USP13: variants seen among roughly 807,000 people sequenced by gnomAD.
The protein encoded by USP13 is ubiquitin carboxyl-terminal hydrolase 13.
In USP13, 68 loss-of-function variants were observed where a neutral mutation model predicts 107.8. The observed-to-expected ratio is 0.63, with a 90% confidence interval of 0.52 to 0.77. USP13 has a LOEUF of 0.77. Among genes scored for constraint, USP13 ranks in the 30% least tolerant of loss-of-function variants. USP13 has a pLI of 0.00. For missense variants in USP13, 945 were observed against 1,093.3 expected (o/e 0.86, Z 1.91); for synonymous variants, 377 against 389.5 (o/e 0.97, Z 0.38).
chr3:179,696,328 A>ATTTTTT (rs4041265), intron 3 of USP13, among the ~76,000 whole-genome samples: 6 of 117,702 alleles, frequency 5.1e-5, no homozygotes, highest in East Asian at 2.4e-4. Context: ...GCCATTAGGC[A>ATTTTTT]TTTTTTTTTT....
In USP13 at chr3:179,689,070, C is replaced by A. The variant is rs182782481; in HGVS notation, c.295-1171C>A. Among the ~76,000 whole-genome samples, 77 of 152,272 alleles carry A rather than the reference C, an allele frequency of 5.1e-4. 1 individual carries two copies. Among genetic ancestry groups the A allele is most frequent in the Admixed American group, 4.6e-4 (7 of 15,302 alleles). On this transcript the variant is annotated intron_variant, in intron 2 of 20. Transcript: ENST00000263966. ...AGTCAACTATTAAAATGTGAGAAAG[C>A]AGACTTAGGACTCATGAGAGGACAA...
At chr3:179,690,794 G>A (rs1712088952) in intron 3 of USP13, among the ~76,000 whole-genome samples, 1 of 152,114 alleles carries the variant, frequency 6.6e-6, no homozygotes, top group African/African-American at 2.4e-5. Context: ...GGCTGGTCTG[G>A]AACTCCTGAG....
At chr3:179,679,671 C>G (rs1711579579) in intron 1 of USP13, among the ~76,000 whole-genome samples, 1 of 151,898 alleles carries the variant, frequency 6.6e-6, no homozygotes, top group Admixed American at 6.6e-5. Flanking sequence ...TTCATTGTAG[C>G]AGTATGTCTT....
At chr3:179,713,659 G>A (rs62290380) in intron 6 of USP13, among the ~76,000 whole-genome samples, 1 of 152,104 alleles carries the variant, frequency 6.6e-6, no homozygotes, top group South Asian at 2.1e-4. Context: ...AGTTCATAAT[G>A]AGAGCCACAA....
chr3:179,666,047 T>G (rs747847204), intron 1 of USP13, among the ~76,000 whole-genome samples: 25 of 151,980 alleles, frequency 1.6e-4, no homozygotes, highest in Non-Finnish European at 3.7e-4. Flanking sequence ...AGGTATGGAG[T>G]TGGGACCAAC....
In USP13 at chr3:179,683,153, A is replaced by G. The variant is rs185553261; in HGVS notation, c.294+1150A>G. Among the ~76,000 whole-genome samples, 3 of 143,866 alleles carry G rather than the reference A, an allele frequency of 2.1e-5. No homozygotes were observed. The East Asian group carries it at 6.1e-4, about 29-fold the overall frequency. The allele number at this position is 143,866 out of a possible 152,430, so 94.4% of individuals were successfully genotyped here. A position where few individuals can be genotyped will look rare whatever the true frequency, so the allele number is the denominator to read the frequency against. ...CTTATAAGTGTGATGAGTTATTTTT[A>G]CATTCTGGATACCAAACCTTTGTTT... On this transcript the variant is annotated intron_variant, in intron 2 of 20. Coordinates refer to ENST00000263966, the MANE Select transcript of USP13 (RefSeq NM_003940.3).
chr3:179,730,480 T>TA, intron 9 of USP13, 136 bp from the exon 10 acceptor site: 1 of 863,168 alleles, frequency 1.2e-6, no homozygotes, highest in Middle Eastern at 2.7e-4. Flanking sequence ...ATCAAATAAA[T>TA]AAGTTATTTG....
At chr3:179,671,074 G>A (rs1465962549) in intron 1 of USP13, among the ~76,000 whole-genome samples, 3 of 151,866 alleles carry the variant, frequency 2.0e-5, no homozygotes, top group Non-Finnish European at 2.9e-5. Flanking sequence ...ACAACATGTC[G>A]AAACCCCGTC....
At chr3:179,783,280 T>C (rs1286339379) in intron 20 of USP13, among the ~76,000 whole-genome samples, 1 of 152,166 alleles carries the variant, frequency 6.6e-6, no homozygotes, top group East Asian at 1.9e-4. Context: ...TTTGATATAC[T>C]TTTCTTTGTT....
intron 13 of USP13, among the ~76,000 whole-genome samples, chr3:179,746,389 G>A (rs1465794177): frequency 6.6e-6 from 1 of 151,492 alleles, no homozygotes; most frequent in African/African-American, 2.4e-5. Flanking sequence ...GAGTAGCTGG[G>A]AATGCAGGCA....
intron 10 of USP13, among the ~76,000 whole-genome samples, chr3:179,732,993 T>C (rs952330628): frequency 2.0e-5 from 3 of 152,290 alleles, no homozygotes; most frequent in Admixed American, 2.0e-4. Flanking sequence ...TAAATTTCCA[T>C]CTTCTCTTAA....
intron 2 of USP13, among the ~76,000 whole-genome samples, chr3:179,686,475 G>A (rs964859403): frequency 6.6e-6 from 1 of 152,182 alleles, no homozygotes; most frequent in Non-Finnish European, 1.5e-5. Flanking sequence ...CAGCTACTTG[G>A]GAGGCTGAGG....
chr3:179,685,908 T>G (rs1020937673), intron 2 of USP13, among the ~76,000 whole-genome samples: 10 of 152,152 alleles, frequency 6.6e-5, no homozygotes, highest in Non-Finnish European at 1.0e-4. Context: ...TTTTTCAACA[T>G]TCTGTAATCC....
chr3:179,707,944 A>G (rs1712781469), intron 5 of USP13, among the ~76,000 whole-genome samples: 1 of 152,228 alleles, frequency 6.6e-6, no homozygotes, highest in Non-Finnish European at 1.5e-5. Flanking sequence ...TTAGAATTAA[A>G]TGAGACTTCT....
chr3:179,754,943 C>T (rs954632680), intron 15 of USP13, 89 bp downstream of exon 15: 6 of 1,451,874 alleles, frequency 4.1e-6, no homozygotes, highest in South Asian at 1.5e-5. Context: ...GTTGCTGCTA[C>T]CACCACCACC....
chr3:179,771,191 A>C (rs1715331661), intron 19 of USP13, among the ~76,000 whole-genome samples: 3 of 152,108 alleles, frequency 2.0e-5, no homozygotes. Flanking sequence ...CCCTAATGGC[A>C]CAAGATGGCT....
At chr3:179,750,306 ATATATATATATATATGTGTG>A (rs760189923) in intron 13 of USP13, among the ~76,000 whole-genome samples, 18,755 of 85,564 alleles carry the variant, frequency 0.22, 1,195 homozygotes, top group East Asian at 0.27. Flanking sequence ...ATGTGTGTGT[ATATATATATATATATGTGTG>A]TATATATATA....
intron 3 of USP13, among the ~76,000 whole-genome samples, chr3:179,693,146 GTTCT>G (rs1371692317): frequency 6.6e-6 from 1 of 152,024 alleles, no homozygotes; most frequent in Non-Finnish European, 1.5e-5. Flanking sequence ...CCCAGTAGGA[GTTCT>G]TTCTTTTTCG....
At chr3:179,734,479 T>A (rs987193228) in intron 10 of USP13, among the ~76,000 whole-genome samples, 2 of 152,248 alleles carry the variant, frequency 1.3e-5, no homozygotes, top group African/African-American at 4.8e-5. Context: ...TTTATTTGAT[T>A]TCTCATCTAA....
Sources: gnomAD v4.1 joint callset for allele counts (sites outside exome capture counted in the v4.1 genomes callset) on GRCh38, gnomAD v4.1.1 for gene constraint, MANE v1.5 for transcripts, NCBI Gene and HGNC (gene_info 2026-07-23, HGNC 2026-07-21) for gene names.